The following PPARGC1A variants were observed in gnomAD, a reference collection of about 807,000 sequenced individuals.
The protein encoded by PPARGC1A is peroxisome proliferator-activated receptor gamma coactivator 1-alpha.
In PPARGC1A, 25 loss-of-function variants were observed where a neutral mutation model predicts 88.7. That is an observed-to-expected ratio of 0.28 (90% CI 0.21 to 0.39). The LOEUF (loss-of-function observed/expected upper bound fraction) is 0.39. Among genes scored for constraint, PPARGC1A ranks in the 10% least tolerant of loss-of-function variants. The pLI is 1.00. For missense variants in PPARGC1A, 880 were observed against 968.7 expected (o/e 0.91, Z 1.22); for synonymous variants, 363 against 355.6 (o/e 1.02, Z -0.24).
At chr4:24,022,894 T>C in the PPARGC1A span, among the ~76,000 whole-genome samples, 1 of 152,178 alleles carries the variant, frequency 6.6e-6, no homozygotes, top group Admixed American at 6.5e-5. Context: ...CCTCCTGACA[T>C]ATAAAACTAA....
At chr4:24,243,791 T>C in the PPARGC1A span, among the ~76,000 whole-genome samples, 4 of 152,214 alleles carry the variant, frequency 2.6e-5, no homozygotes, top group African/African-American at 9.6e-5. Context: ...AGACTCAGAC[T>C]TTGACGAGCC....
intron 2 of PPARGC1A, among the ~76,000 whole-genome samples, chr4:23,864,826 G>A (rs908627577): frequency 6.6e-6 from 1 of 152,188 alleles, no homozygotes; most frequent in African/African-American, 2.4e-5. Flanking sequence ...AGCTTGCAAA[G>A]CACCAAAGAC....
the PPARGC1A span, among the ~76,000 whole-genome samples, chr4:24,444,303 G>A: frequency 6.6e-6 from 1 of 152,140 alleles, no homozygotes. Context: ...AAAGTGCTGG[G>A]ATTACAGGTG....
the PPARGC1A span, among the ~76,000 whole-genome samples, chr4:23,919,593 G>A: frequency 2.0e-5 from 3 of 149,960 alleles, no homozygotes; most frequent in Non-Finnish European, 3.0e-5. Context: ...TTAAGAGGCA[G>A]CTCAGATTTT....
chr4:24,436,148 A>C, the PPARGC1A span, among the ~76,000 whole-genome samples: 2 of 152,272 alleles, frequency 1.3e-5, no homozygotes, highest in African/African-American at 4.8e-5. Flanking sequence ...CCCAGCCAGG[A>C]TAAAAGTGAA....
At chr4:23,865,572 G>A (rs1413623559) in intron 2 of PPARGC1A, among the ~76,000 whole-genome samples, 1 of 152,112 alleles carries the variant, frequency 6.6e-6, no homozygotes, top group African/African-American at 2.4e-5. Flanking sequence ...AAATTTCCTT[G>A]GGTGGCATTC....
chr4:24,258,208 ACCC>A, the PPARGC1A span: 1 of 980,870 alleles, frequency 1.0e-6, no homozygotes, highest in Non-Finnish European at 1.2e-6. Context: ...CTTACAAAGT[ACCC>A]TTCATCCATG....
chr4:24,183,881 T>C, the PPARGC1A span, among the ~76,000 whole-genome samples: 14 of 152,328 alleles, frequency 9.2e-5, no homozygotes, highest in Non-Finnish European at 1.6e-4. Flanking sequence ...AAAGAAAAGA[T>C]ATAAAACTTC....
At chr4:24,444,591 T>G in the PPARGC1A span, among the ~76,000 whole-genome samples, 1 of 152,194 alleles carries the variant, frequency 6.6e-6, no homozygotes, top group African/African-American at 2.4e-5. Context: ...CAGTACAGGG[T>G]CATGCATGAG....
the PPARGC1A span, among the ~76,000 whole-genome samples, chr4:24,013,863 G>A: frequency 6.6e-6 from 1 of 152,132 alleles, no homozygotes; most frequent in East Asian, 1.9e-4. Flanking sequence ...TAAGTTCTTG[G>A]GGAAGGACCA....
rs1717150322 is a variant in PPARGC1A, at chr4:23,794,438, T to C, written c.*1384A>G. ...CTAGGATATTTCTTGACAAGATGCT[T>C]AGATTGAAGCTCACCTAAGGGATGG... On this transcript the variant is annotated 3_prime_UTR_variant, in exon 13 of 13. Transcript: ENST00000264867. 6.6e-6 allele frequency: 1 copy of C among 152,504 alleles called. No individual in the cohort carries two copies. The highest frequency in any genetic ancestry group is 2.1e-4 in the South Asian group (1 of 4,828). 9.4% of individuals were successfully genotyped at this position (152,504 alleles called of 1,614,324 possible).
chr4:24,008,446 C>T, the PPARGC1A span, among the ~76,000 whole-genome samples: 1 of 152,100 alleles, frequency 6.6e-6, no homozygotes, highest in East Asian at 1.9e-4. Context: ...CTGTGAATTG[C>T]GATTTGATGA....
the PPARGC1A span, among the ~76,000 whole-genome samples, chr4:24,396,370 C>T: frequency 3.9e-5 from 6 of 152,156 alleles, no homozygotes; most frequent in Non-Finnish European, 1.5e-5. Flanking sequence ...CTAGGCAAAT[C>T]GCTTCCCCCA....
chr4:24,110,069 T>C, the PPARGC1A span, among the ~76,000 whole-genome samples: 1 of 152,184 alleles, frequency 6.6e-6, no homozygotes, highest in South Asian at 2.1e-4. Flanking sequence ...AAGACCAGAC[T>C]GTGCTTCCTT....
the PPARGC1A span, among the ~76,000 whole-genome samples, chr4:24,195,256 A>G: frequency 6.6e-6 from 1 of 152,184 alleles, no homozygotes; most frequent in East Asian, 1.9e-4. Context: ...TGAAAGAATA[A>G]TTATTTCACC....
chr4:23,989,032 G>C, the PPARGC1A span, among the ~76,000 whole-genome samples: 1 of 149,338 alleles, frequency 6.7e-6, no homozygotes, highest in Non-Finnish European at 1.5e-5. Flanking sequence ...CTACATCCTT[G>C]ACCTCTAGGG....
chr4:23,979,607 C>G, the PPARGC1A span, among the ~76,000 whole-genome samples: 5 of 152,280 alleles, frequency 3.3e-5, no homozygotes, highest in East Asian at 1.9e-4. Context: ...GATATTTACA[C>G]GATCACTTAC....
chr4:24,332,577 A>G, the PPARGC1A span, among the ~76,000 whole-genome samples: 2 of 152,222 alleles, frequency 1.3e-5, no homozygotes, highest in Non-Finnish European at 2.9e-5. Flanking sequence ...TATCATTTCA[A>G]TATGTGCAAG....
chr4:24,208,896 T>C, the PPARGC1A span, among the ~76,000 whole-genome samples: 4 of 152,102 alleles, frequency 2.6e-5, no homozygotes, highest in African/African-American at 7.2e-5. Flanking sequence ...ATCAGCACTT[T>C]GTGATGGGAA....
Sources: gnomAD v4.1 joint callset for allele counts (sites outside exome capture counted in the v4.1 genomes callset) on GRCh38, gnomAD v4.1.1 for gene constraint, MANE v1.5 for transcripts, NCBI Gene and HGNC (gene_info 2026-07-23, HGNC 2026-07-21) for gene names.